The following JPH2 variants were observed in gnomAD, a reference collection of about 807,000 sequenced individuals.
JPH2 encodes junctophilin-2.
Under a neutral mutation model 55.9 loss-of-function variants are expected in JPH2, and 38 were observed. The observed-to-expected ratio is 0.68, with a 90% CI of 0.52 to 0.89. The LOEUF is 0.89. Ranked by LOEUF, JPH2 falls within the 40% of genes least tolerant of loss-of-function variation. The pLI is 0.00. For synonymous variants in JPH2, 480 were observed against 472.4 expected (o/e 1.02, Z -0.21); for missense variants, 964 against 1,037.6 (o/e 0.93, Z 0.97).
At chr20:44,172,597 A>G (rs1180545769) in intron 1 of JPH2, among the ~76,000 whole-genome samples, 1 of 152,156 alleles carries the variant, frequency 6.6e-6, no homozygotes, top group Non-Finnish European at 1.5e-5. Flanking sequence ...GGCTAAAGTG[A>G]TCCTCCCACC....
chr20:44,117,635 G>T (rs2072203263), intron 3 of JPH2, among the ~76,000 whole-genome samples: 1 of 152,176 alleles, frequency 6.6e-6, no homozygotes, highest in Non-Finnish European at 1.5e-5. Flanking sequence ...TCTGGGGGTG[G>T]ACCCAGCAAT....
chr20:44,134,702 TTA>T (rs1400580278), intron 2 of JPH2, among the ~76,000 whole-genome samples: 14 of 51,076 alleles, frequency 2.7e-4, no homozygotes, highest in Admixed American at 2.4e-3. Context: ...TATATATACA[TTA>T]ATATATATTA....
intron 2 of JPH2, among the ~76,000 whole-genome samples, chr20:44,131,429 C>T (rs978644690): frequency 2.0e-5 from 3 of 152,154 alleles, no homozygotes; most frequent in African/African-American, 7.2e-5. Context: ...CCCTGATACC[C>T]GACCTGCAGA....
chr20:44,170,900 C>T (rs531174946), intron 1 of JPH2, among the ~76,000 whole-genome samples: 53 of 152,318 alleles, frequency 3.5e-4, no homozygotes, highest in African/African-American at 8.7e-4. Flanking sequence ...CTCATGATGA[C>T]GCACTGCGAT....
rs1468186617 is a variant in JPH2 at position 44,160,254 on chromosome 20, T to G, written c.533A>C (p.Asp178Ala). Reference sequence around the variant, plus strand: ...GTCGGAGGCCGGCGAGGCGGGAGAGTCCGGGGCCACCGTGCCGTTGCTGTG... The same window carrying G: ...GTCGGAGGCCGGCGAGGCGGGAGAGGCCGGGGCCACCGTGCCGTTGCTGTG... ...SEHSNGTVAP[D>A]SPASPASDGP... The change falls in exon 2 of 6, where the codon GAC becomes GCC. Residue 178 changes from aspartate to alanine, a missense_variant. Physicochemically the swap from Asp to Ala is moderately radical, Grantham distance 126. Coordinates refer to ENST00000372980, the MANE Select transcript of JPH2 (RefSeq NM_020433.5). The surrounding 1 kb of genome is among the most constrained non-coding windows in gnomAD (Gnocchi z 4.9). The G allele has an allele frequency of 2.0e-6, 3 of 1,525,546 alleles. No homozygotes were observed. Among genetic ancestry groups the G allele is most frequent in the Non-Finnish European group, 2.6e-6 (3 of 1,140,524 alleles). The allele number at this position is 1,525,546 out of a possible 1,614,324, so 94.5% of individuals were successfully genotyped here. A position where few individuals can be genotyped will look rare whatever the true frequency, so the allele number is the denominator to read the frequency against.
At chr20:44,175,149 G>A (rs1282673162) in intron 1 of JPH2, among the ~76,000 whole-genome samples, 1 of 152,090 alleles carries the variant, frequency 6.6e-6, no homozygotes, top group Non-Finnish European at 1.5e-5. Context: ...GCCTTTTCCT[G>A]CCAATTTGCA....
At chr20:44,137,818 T>C (rs2145860796) in intron 2 of JPH2, among the ~76,000 whole-genome samples, 1 of 152,200 alleles carries the variant, frequency 6.6e-6, no homozygotes, top group Admixed American at 6.5e-5. Flanking sequence ...GAACAAGTCC[T>C]TCTAAATACT....
chr20:44,154,212 A>G (rs922003882), intron 2 of JPH2, among the ~76,000 whole-genome samples: 1 of 152,262 alleles, frequency 6.6e-6, no homozygotes, highest in Non-Finnish European at 1.5e-5. Flanking sequence ...CATGTATCAC[A>G]TTGTAATGTT....
At chr20:44,151,164 T>C (rs988297237) in intron 2 of JPH2, among the ~76,000 whole-genome samples, 17 of 152,346 alleles carry the variant, frequency 1.1e-4, no homozygotes, top group African/African-American at 3.6e-4. Context: ...TTTCCCATAA[T>C]AAAAAGTCAA....
rs1428653245 is a variant in JPH2 at position 44,159,775 on chromosome 20, C to T, written c.1012G>A (p.Glu338Lys). 3 of 1,613,484 alleles carry T rather than the reference C, an allele frequency of 1.9e-6. 1 individual carries two copies. The highest frequency in any genetic ancestry group is 3.3e-4 in the Middle Eastern group (2 of 6,060). The change falls in exon 2 of 6, where the codon GAG (glutamate) becomes AAG (lysine). Residue 338 changes from glutamate (E) to lysine (K), a missense_variant. Glu to Lys is a moderately conservative substitution (Grantham distance 56). Transcript: ENST00000372980. This position sits in a 1 kb window ranked among gnomAD's most constrained non-coding sequence, Gnocchi z 5.7. ...CTTLPDGHREEGKYRHNVLVK... is the reference protein window; with the variant it reads ...CTTLPDGHREKGKYRHNVLVK... Reference sequence around the variant, plus strand: ...AGCACGTTGTGGCGGTACTTGCCCTCCTCGCGGTGGCCGTCGGGCAGCGTG... The same window carrying T: ...AGCACGTTGTGGCGGTACTTGCCCTTCTCGCGGTGGCCGTCGGGCAGCGTG...
At chr20:44,137,429 G>A (rs957833598) in intron 2 of JPH2, among the ~76,000 whole-genome samples, 4 of 152,168 alleles carry the variant, frequency 2.6e-5, no homozygotes, top group African/African-American at 4.8e-5. Context: ...GGTGGGGCTC[G>A]GCTGGGGCAT....
chr20:44,129,975 T>A (rs909792167), intron 2 of JPH2, among the ~76,000 whole-genome samples: 7 of 152,114 alleles, frequency 4.6e-5, no homozygotes, highest in Non-Finnish European at 8.8e-5. Flanking sequence ...CAGAAGGAAA[T>A]CTGACTTTAG....
intron 2 of JPH2, among the ~76,000 whole-genome samples, chr20:44,148,112 A>G (rs1340472691): frequency 6.6e-6 from 1 of 152,108 alleles, no homozygotes; most frequent in Admixed American, 6.5e-5. Flanking sequence ...GCGGTGAGCC[A>G]AGATCACACC....
intron 1 of JPH2, chr20:44,176,968 T>C: frequency 1.0e-6 from 1 of 985,424 alleles, no homozygotes; most frequent in Admixed American, 6.1e-5. Flanking sequence ...CAGCCAGCAG[T>C]GGCAGGAAGA....
chr20:44,134,677 T>TATA lies in JPH2; in HGVS notation c.1170-16057_1170-16055dup, dbSNP rs1489249854. Among the ~76,000 whole-genome samples, 4 of 16,928 alleles carry TATA rather than the reference T, an allele frequency of 2.4e-4. 1 individual carries two copies. Among genetic ancestry groups the TATA allele is most frequent in the African/African-American group, 1.1e-3 (4 of 3,804 alleles). The allele number at this position is 16,928 out of a possible 152,430, so 11.1% of individuals were successfully genotyped here. Reference sequence around the variant, plus strand: ...TTATAAATATATATAAATATATATTTATAAATATTATAAATATATATACAT... The same window carrying TATA: ...TTATAAATATATATAAATATATATTTATAATAAATATTATAAATATATATACAT... On this transcript the variant is annotated intron_variant, in intron 2 of 5. Coordinates refer to ENST00000372980, the MANE Select transcript of JPH2 (RefSeq NM_020433.5).
chr20:44,150,289 G>C (rs2072522733), intron 2 of JPH2, among the ~76,000 whole-genome samples: 1 of 152,124 alleles, frequency 6.6e-6, no homozygotes, highest in African/African-American at 2.4e-5. Context: ...TCTACTTAAA[G>C]TAGCAGCAAA....
chr20:44,150,497 CT>C (rs1006359286), intron 2 of JPH2, among the ~76,000 whole-genome samples: 2 of 152,218 alleles, frequency 1.3e-5, no homozygotes, highest in Non-Finnish European at 2.9e-5. Flanking sequence ...TCCCAGCGGC[CT>C]TTTTTTCCCC....
At chr20:44,136,220 T>C (rs532162750) in intron 2 of JPH2, among the ~76,000 whole-genome samples, 3 of 152,298 alleles carry the variant, frequency 2.0e-5, no homozygotes, top group African/African-American at 7.2e-5. Context: ...AGCCTCATGC[T>C]TGGGGAACCT....
intron 2 of JPH2, among the ~76,000 whole-genome samples, chr20:44,151,540 C>CG (rs926859638): frequency 1.3e-5 from 2 of 151,980 alleles, no homozygotes; most frequent in Non-Finnish European, 2.9e-5. Flanking sequence ...AAAGAAAAAT[C>CG]AAGAGTTGTG....
Sources: gnomAD v4.1 joint callset for allele counts (sites outside exome capture counted in the v4.1 genomes callset) on GRCh38, gnomAD v4.1.1 for gene constraint, Gnocchi (gnomAD v3.1) non-coding constraint, MANE v1.5 for transcripts, NCBI Gene and HGNC (gene_info 2026-07-23, HGNC 2026-07-21) for gene names.